Variants in NRXN2 observed in about 807,000 individuals in gnomAD.
NRXN2 encodes neurexin-2-beta.
Under a neutral mutation model 128.8 loss-of-function variants are expected in NRXN2, and 29 were observed. That is an observed-to-expected ratio of 0.23 (90% confidence interval 0.17 to 0.31). The LOEUF (loss-of-function observed/expected upper bound fraction) is 0.31, where lower values mean the gene tolerates loss of function less well. NRXN2 is among the 10% of genes least tolerant of loss of function. The pLI is 1.00. For missense variants in NRXN2, 1,881 were observed against 2,452.6 expected (o/e 0.77, Z 4.92); for synonymous variants, 1,098 against 1,075.2 (o/e 1.02, Z -0.41).
At chr11:64,709,908 CTTT>C (rs530817393) in intron 2 of NRXN2, among the ~76,000 whole-genome samples, 4 of 139,864 alleles carry the variant, frequency 2.9e-5, no homozygotes, top group Admixed American at 7.2e-5. Context: ...TTTCTTCTTC[CTTT>C]TTTTTTTTTT....
intron 3 of NRXN2, among the ~76,000 whole-genome samples, chr11:64,696,910 G>A (rs987160203): frequency 2.6e-5 from 4 of 152,176 alleles, no homozygotes; most frequent in African/African-American, 9.7e-5. Flanking sequence ...TCCCAGAGGA[G>A]GAGAAGAAAC....
chr11:64,620,169 C>A lies in NRXN2; in HGVS notation c.4252+125G>T, dbSNP rs1348323641. The A allele has an allele frequency of 8.1e-6, 6 of 741,422 alleles. No individual in the cohort carries two copies. In the African/African-American group the frequency reaches 8.6e-5, roughly 11 times the overall value. The allele number at this position is 741,422 out of a possible 1,614,324, so 45.9% of individuals were successfully genotyped here. A position where few individuals can be genotyped will look rare whatever the true frequency, so the allele number is the denominator to read the frequency against. On this transcript the variant is annotated intron_variant, in intron 22 of 22. Transcript: ENST00000265459. ...TGGGAGGATGTTAGGCAAGGGGGAA[C>A]TATCAGGGAAAGCTAAGGCCTGGCA...
chr11:64,650,647 C>T lies in NRXN2; in HGVS notation c.2919-9G>A, dbSNP rs369204796. 491 of 1,613,814 alleles carry T rather than the reference C, an allele frequency of 3.0e-4. No individual in the cohort carries two copies. The highest frequency in any genetic ancestry group is 3.9e-4 in the Non-Finnish European group (464 of 1,179,880). ...ACACGTAGTGGATGTACCTGCCCCA[C>T]AGTAGGGAGGAGACACTGGGTCAGG... On this transcript the variant is annotated splice_polypyrimidine_tract_variant and intron_variant, in intron 14 of 22. Coordinates refer to ENST00000265459, the MANE Select transcript of NRXN2 (RefSeq NM_015080.4).
intron 6 of NRXN2, among the ~76,000 whole-genome samples, chr11:64,681,584 T>C (rs1398757526): frequency 6.6e-6 from 1 of 152,178 alleles, no homozygotes; most frequent in African/African-American, 2.4e-5. Flanking sequence ...TTTAAGGCAA[T>C]ACCCCAGTTA....
chr11:64,712,612 C>G (rs543430818), intron 2 of NRXN2: 1 of 459,402 alleles, frequency 2.2e-6, no homozygotes, highest in African/African-American at 2.0e-5. Context: ...CGCAGACCCC[C>G]ACCCACAAGC....
chr11:64,653,805 G>A, intron 11 of NRXN2, 83 bp from the exon 12 acceptor site: 1 of 1,064,564 alleles, frequency 9.4e-7, no homozygotes, highest in Non-Finnish European at 1.4e-6. Flanking sequence ...TCCTTCACAG[G>A]GAGGGGTGTC....
intron 6 of NRXN2, among the ~76,000 whole-genome samples, chr11:64,683,852 G>A (rs780184848): frequency 2.0e-5 from 3 of 152,124 alleles, no homozygotes; most frequent in South Asian, 2.1e-4. Context: ...AGAAGCAGCC[G>A]AGGGTCACTG....
chr11:64,630,658 C>T lies in NRXN2; in HGVS notation c.3586-85G>A. ...GGCTACTCCTGTGACCACCACTAGC[C>T]CAGCTCCGCAGCACTTAAGGCACCT... is the stretch of plus-strand genomic sequence containing the variant. On this transcript the variant is annotated intron_variant, in intron 18 of 22. Transcript: ENST00000265459. The surrounding 1 kb of genome is among the most constrained non-coding windows in gnomAD (Gnocchi z 4.6). 6.7e-7 allele frequency: 1 copy of T among 1,490,272 alleles called. No homozygotes were observed. Among genetic ancestry groups the T allele is most frequent in the Non-Finnish European group, 9.3e-7 (1 of 1,079,408 alleles). The allele number at this position is 1,490,272 out of a possible 1,614,324, so 92.3% of individuals were successfully genotyped here. A position where few individuals can be genotyped will look rare whatever the true frequency, so the allele number is the denominator to read the frequency against.
chr11:64,709,873 G>A (rs1048347396), intron 2 of NRXN2, among the ~76,000 whole-genome samples: 8 of 148,448 alleles, frequency 5.4e-5, no homozygotes, highest in Middle Eastern at 3.3e-3. Context: ...ACCAGCTGGC[G>A]CCCGCCTTAT....
chr11:64,709,363 A>G (rs145705107), intron 2 of NRXN2, among the ~76,000 whole-genome samples: 424 of 152,156 alleles, frequency 2.8e-3, no homozygotes, highest in African/African-American at 9.5e-3. Flanking sequence ...TCCTCACCCC[A>G]ATACCCAACC....
chr11:64,623,369 T>G lies in NRXN2; in HGVS notation c.3848-291A>C. The G allele has an allele frequency of 2.0e-6, 1 of 495,448 alleles. No homozygotes were observed. The highest frequency in any genetic ancestry group is 3.7e-6 in the Non-Finnish European group (1 of 273,374). 30.7% of individuals were successfully genotyped at this position (495,448 alleles called of 1,614,324 possible). ...CCCTCCTCCCCACCATGTGCAAGCC[T>G]TCCCACCTTCCCCATTCCCTCTCCT... On this transcript the variant is annotated intron_variant, in intron 20 of 22. Transcript: ENST00000265459. This position sits in a 1 kb window ranked among gnomAD's most constrained non-coding sequence, Gnocchi z 4.9.
At chr11:64,673,856 G>A (rs550880596) in intron 7 of NRXN2, among the ~76,000 whole-genome samples, 12 of 152,062 alleles carry the variant, frequency 7.9e-5, no homozygotes, top group South Asian at 2.1e-4. Context: ...CTGGCAACAC[G>A]GTGAAACCCT....
intron 9 of NRXN2, among the ~76,000 whole-genome samples, chr11:64,664,394 C>A (rs1392640792): frequency 6.6e-6 from 1 of 150,682 alleles, no homozygotes; most frequent in Non-Finnish European, 1.5e-5. Flanking sequence ...AGGAAAATCA[C>A]TTGAACCCAG....
intron 22 of NRXN2, among the ~76,000 whole-genome samples, chr11:64,618,319 C>T (rs972360096): frequency 5.9e-5 from 9 of 152,192 alleles, no homozygotes; most frequent in African/African-American, 2.2e-4. Context: ...ACCATCTGGC[C>T]CCAGATACCC....
chr11:64,669,095 C>T (rs1317409240), intron 7 of NRXN2, among the ~76,000 whole-genome samples: 1 of 152,216 alleles, frequency 6.6e-6, no homozygotes, highest in African/African-American at 2.4e-5. Flanking sequence ...TTAGACTCAC[C>T]TGCAGCCCTC....
intron 6 of NRXN2, among the ~76,000 whole-genome samples, chr11:64,683,687 CAA>C (rs1462617623): frequency 6.6e-6 from 1 of 151,978 alleles, no homozygotes; most frequent in African/African-American, 2.4e-5. Flanking sequence ...AGCACTCAAC[CAA>C]AGTCTTTAAG....
At chr11:64,709,209 A>C (rs1213981880) in intron 2 of NRXN2, among the ~76,000 whole-genome samples, 1 of 141,020 alleles carries the variant, frequency 7.1e-6, no homozygotes, top group African/African-American at 2.6e-5. Context: ...AAAAAAAAAA[A>C]AAAAGTCCTC....
At chr11:64,720,377 C>T (rs1361054310) in intron 1 of NRXN2, among the ~76,000 whole-genome samples, 3 of 152,110 alleles carry the variant, frequency 2.0e-5, no homozygotes, top group African/African-American at 4.8e-5. Flanking sequence ...GGGGCATCCC[C>T]GTGGGGGCTG....
chr11:64,650,384 G>T (rs2047294538), intron 15 of NRXN2, 64 bp downstream of exon 15: 5 of 1,550,584 alleles, frequency 3.2e-6, no homozygotes, highest in East Asian at 2.2e-5. Context: ...GGAATGGGGT[G>T]ATCTCGCTGG....
Sources: allele counts gnomAD v4.1 joint callset (sites outside exome capture counted in the v4.1 genomes callset), GRCh38; gene constraint gnomAD v4.1.1; non-coding constraint Gnocchi (gnomAD v3.1); transcripts MANE v1.5; gene names NCBI Gene and HGNC (gene_info 2026-07-23, HGNC 2026-07-21).